The following HDGFL3 variants were observed in gnomAD, a reference collection of about 807,000 sequenced individuals.
The protein encoded by HDGFL3 is HDGF like 3.
In HDGFL3, 6 loss-of-function variants were observed where a neutral mutation model predicts 27.6. The ratio of observed to expected loss-of-function variants is 0.22; its 90% CI spans 0.12 to 0.43. The LOEUF (loss-of-function observed/expected upper bound fraction) is 0.43, where lower values mean the gene tolerates loss of function less well. Ranked by LOEUF, HDGFL3 falls within the 20% of genes least tolerant of loss-of-function variation. The pLI, the probability that HDGFL3 is intolerant of heterozygous loss-of-function variation, is 1.00. For synonymous variants in HDGFL3, 88 were observed against 88.9 expected (o/e 0.99, Z 0.05); for missense variants, 207 against 250.1 (o/e 0.83, Z 1.16).
At chr15:83,163,627 A>C (rs1017188190) in intron 2 of HDGFL3, 2 of 188,818 alleles carry the variant, frequency 1.1e-5, no homozygotes, top group African/African-American at 4.8e-5. Context: ...GAGAGAACAT[A>C]ACTTTGTTCT....
At position 83,132,213 on chromosome 15, in the gene HDGFL3, GCTA is replaced by G. The variant is rs1398714799; in HGVS notation, c.*7054_*7056del. The G allele has an allele frequency of 1.3e-5, 2 of 152,212 alleles. No homozygotes were observed. The highest frequency in any genetic ancestry group is 2.4e-5 in the African/African-American group (1 of 41,454). The allele number at this position is 152,212 out of a possible 1,614,324, so 9.4% of individuals were successfully genotyped here. A position where few individuals can be genotyped will look rare whatever the true frequency, so the allele number is the denominator to read the frequency against. On this transcript the variant is annotated 3_prime_UTR_variant, in exon 6 of 6. Transcript: ENST00000299633. ...CATAACAGCTATGTAACCCTTTGTT[GCTA>G]CTATTACTGGTAGAAGATTCCCAGT... is the stretch of plus-strand genomic sequence containing the variant.
At chr15:83,170,954 C>T (rs2037239365) in intron 1 of HDGFL3, among the ~76,000 whole-genome samples, 1 of 148,684 alleles carries the variant, frequency 6.7e-6, no homozygotes, top group Admixed American at 6.7e-5. Context: ...AGAAGACATA[C>T]AAGCCAAGAA....
chr15:83,183,593 T>C (rs2037405751), intron 1 of HDGFL3, among the ~76,000 whole-genome samples: 1 of 151,986 alleles, frequency 6.6e-6, no homozygotes, highest in African/African-American at 2.4e-5. Context: ...AAACCTCATC[T>C]CCACTAAAAA....
intron 2 of HDGFL3, among the ~76,000 whole-genome samples, chr15:83,161,047 G>A (rs909001472): frequency 1.3e-5 from 2 of 152,094 alleles, no homozygotes; most frequent in Admixed American, 6.5e-5. Context: ...ACAATAAATG[G>A]ACTTTGTGTA....
chr15:83,123,152 G>T (rs766020199), downstream of HDGFL3, among the ~76,000 whole-genome samples: 3 of 152,194 alleles, frequency 2.0e-5, no homozygotes, highest in Non-Finnish European at 2.9e-5. Flanking sequence ...ATCAGATTCT[G>T]CATTAGTGTG....
intron 1 of HDGFL3, among the ~76,000 whole-genome samples, chr15:83,193,401 G>C (rs1271184293): frequency 1.3e-5 from 2 of 152,116 alleles, no homozygotes; most frequent in Non-Finnish European, 2.9e-5. Flanking sequence ...CACCCATTAG[G>C]ATTCCTACTT....
intron 3 of HDGFL3, among the ~76,000 whole-genome samples, chr15:83,117,785 C>T (rs1248455862): frequency 1.3e-5 from 2 of 152,034 alleles, no homozygotes; most frequent in Non-Finnish European, 2.9e-5. Context: ...AGTAGAGGAA[C>T]AACATGCCAA....
At chr15:83,142,805 T>G (rs1324080705) in intron 5 of HDGFL3, among the ~76,000 whole-genome samples, 2 of 152,220 alleles carry the variant, frequency 1.3e-5, no homozygotes. Context: ...GATCTAGTTG[T>G]CTTCTATCAA....
chr15:83,195,101 T>C (rs924872565), intron 1 of HDGFL3, among the ~76,000 whole-genome samples: 1 of 152,208 alleles, frequency 6.6e-6, no homozygotes, highest in Non-Finnish European at 1.5e-5. Flanking sequence ...CCCAGTCTTT[T>C]TGTAATAAAT....
intron 1 of HDGFL3, among the ~76,000 whole-genome samples, chr15:83,196,918 T>G (rs189551217): frequency 6.6e-6 from 1 of 152,174 alleles, no homozygotes; most frequent in Non-Finnish European, 1.5e-5. Context: ...TGGAAGAGAA[T>G]AGTAAATGTA....
intron 2 of HDGFL3, among the ~76,000 whole-genome samples, chr15:83,158,440 T>C (rs1025077553): frequency 6.6e-6 from 1 of 152,192 alleles, no homozygotes; most frequent in Non-Finnish European, 1.5e-5. Flanking sequence ...AAAATATAAA[T>C]GCTAGAATAA....
intron 1 of HDGFL3, among the ~76,000 whole-genome samples, chr15:83,206,795 G>C (rs2037722547): frequency 6.6e-6 from 1 of 152,206 alleles, no homozygotes; most frequent in South Asian, 2.1e-4. Flanking sequence ...CGCGCTCAGG[G>C]AAAACTCAAC....
chr15:83,121,575 C>A (rs2035247777), intron 3 of HDGFL3, among the ~76,000 whole-genome samples: 2 of 152,128 alleles, frequency 1.3e-5, no homozygotes, highest in Non-Finnish European at 1.5e-5. Context: ...GATCCAATTT[C>A]ATTTCTTCTT....
At chr15:83,117,348 C>A (rs754149991) in intron 3 of HDGFL3, among the ~76,000 whole-genome samples, 1 of 152,020 alleles carries the variant, frequency 6.6e-6, no homozygotes, top group Non-Finnish European at 1.5e-5. Flanking sequence ...GAGGAGCAGT[C>A]CTGGAAGAGA....
intron 1 of HDGFL3, among the ~76,000 whole-genome samples, chr15:83,195,137 T>C (rs2037554214): frequency 6.6e-6 from 1 of 152,224 alleles, no homozygotes. Flanking sequence ...TCTCCATGTA[T>C]TCTCTTTTCC....
chr15:83,161,485 G>A (rs184338408), intron 2 of HDGFL3, among the ~76,000 whole-genome samples: 1 of 152,314 alleles, frequency 6.6e-6, no homozygotes, highest in East Asian at 1.9e-4. Context: ...AATGCCAGAA[G>A]AGTCAGGGCT....
chr15:83,137,630 A>C lies in HDGFL3; in HGVS notation c.*1640T>G, dbSNP rs546634293. On this transcript the variant is annotated 3_prime_UTR_variant, in exon 6 of 6. Transcript: ENST00000299633. ...ATGAACTTTTCATGTTTGGGATTGT[A>C]TGTTGAGTATACTAGAGAAAATCAG... The C allele has an allele frequency of 2.0e-4, 30 of 152,310 alleles. No individual in the cohort carries two copies. Among genetic ancestry groups the C allele is most frequent in the African/African-American group, 7.2e-4 (30 of 41,578 alleles). 9.4% of individuals were successfully genotyped at this position (152,310 alleles called of 1,614,324 possible). A position where few individuals can be genotyped will look rare whatever the true frequency, so the allele number is the denominator to read the frequency against.
intron 5 of HDGFL3, among the ~76,000 whole-genome samples, chr15:83,148,111 C>G (rs1044309862): frequency 1.3e-5 from 2 of 152,196 alleles, no homozygotes; most frequent in Non-Finnish European, 2.9e-5. Flanking sequence ...AATTAAAAAG[C>G]CTGACTATGC....
Position 83,142,442 on chromosome 15 carries a change from C to T in HDGFL3, c.607-3167G>A, listed in dbSNP as rs989454005. Among the ~76,000 whole-genome samples, 6 of 152,230 alleles carry T rather than the reference C, an allele frequency of 3.9e-5. No individual in the cohort carries two copies. In the South Asian group the frequency reaches 6.2e-4, roughly 16 times the overall value. On this transcript the variant is annotated intron_variant, in intron 5 of 5. Transcript: ENST00000299633. ...CACAGGAACAGAAAACCAGATACCG[C>T]GTGTTCTTGCTTATAAGTGGAAGCT...
Sources: allele counts gnomAD v4.1 joint callset (sites outside exome capture counted in the v4.1 genomes callset), GRCh38; gene constraint gnomAD v4.1.1; transcripts MANE v1.5; gene names NCBI Gene and HGNC (gene_info 2026-07-23, HGNC 2026-07-21).